GSK3B: variants seen among roughly 807,000 people sequenced by gnomAD.
GSK3B encodes the protein glycogen synthase kinase 3 beta.
Under a neutral mutation model 56.4 loss-of-function variants are expected in GSK3B, and 15 were observed. The ratio of observed to expected loss-of-function variants is 0.27; its 90% CI spans 0.18 to 0.41. The LOEUF is 0.41. GSK3B is among the 10% of genes least tolerant of loss of function. GSK3B has a pLI of 1.00. For synonymous variants in GSK3B, 181 were observed against 188.9 expected, an observed-to-expected ratio of 0.96 and a Z score of 0.34; for missense variants, 300 against 513.4, an observed-to-expected ratio of 0.58 and a Z score of 4.02.
At chr3:119,902,995 G>A (rs1049769375) in intron 7 of GSK3B, among the ~76,000 whole-genome samples, 14 of 152,276 alleles carry the variant, frequency 9.2e-5, no homozygotes, top group South Asian at 4.1e-4. Flanking sequence ...GGTTACAGGC[G>A]TGAACTACGG....
At chr3:120,050,577 T>G (rs983547886) in intron 1 of GSK3B, among the ~76,000 whole-genome samples, 1 of 152,128 alleles carries the variant, frequency 6.6e-6, no homozygotes, top group Non-Finnish European at 1.5e-5. Context: ...GGAAACAACT[T>G]TGGTTCCTGG....
Position 119,825,745 on chromosome 3 carries a change from A to C in GSK3B, c.*1043T>G, listed in dbSNP as rs1366286606. Reference sequence around the variant, plus strand: ...CTGCAAGCTCAATTTTCAATTAAAAAATATGAAAAATAAACCAGTAGATGA... The same window carrying C: ...CTGCAAGCTCAATTTTCAATTAAAACATATGAAAAATAAACCAGTAGATGA... On this transcript the variant is annotated 3_prime_UTR_variant, in exon 11 of 11. Coordinates refer to ENST00000264235, the MANE Select transcript of GSK3B (RefSeq NM_001146156.2). The C allele has an allele frequency of 8.9e-6, 2 of 224,478 alleles. No individual in the cohort carries two copies. The highest frequency in any genetic ancestry group is 1.8e-5 in the Non-Finnish European group (2 of 112,752). 13.9% of individuals were successfully genotyped at this position (224,478 alleles called of 1,614,324 possible). A position where few individuals can be genotyped will look rare whatever the true frequency, so the allele number is the denominator to read the frequency against.
At chr3:119,951,178 G>T (rs552500145) in intron 2 of GSK3B, among the ~76,000 whole-genome samples, 1 of 152,314 alleles carries the variant, frequency 6.6e-6, no homozygotes, top group East Asian at 1.9e-4. Context: ...GGGGTGGAGG[G>T]AGGCTCAACA....
chr3:120,062,895 TC>T (rs1289228890), intron 1 of GSK3B, among the ~76,000 whole-genome samples: 11 of 152,190 alleles, frequency 7.2e-5, no homozygotes, highest in African/African-American at 2.7e-4. Context: ...TACCCTACTT[TC>T]TGGACTTTAG....
At chr3:120,010,339 T>C (rs1447312199) in intron 1 of GSK3B, among the ~76,000 whole-genome samples, 1 of 152,172 alleles carries the variant, frequency 6.6e-6, no homozygotes. Context: ...ATTTGTAAAA[T>C]AACTTTTCTT....
At chr3:120,076,971 C>A (rs529811050) in intron 1 of GSK3B, among the ~76,000 whole-genome samples, 2 of 151,872 alleles carry the variant, frequency 1.3e-5, no homozygotes, top group Non-Finnish European at 2.9e-5. Flanking sequence ...TACCACCTCA[C>A]CCCTGTTAGG....
At chr3:119,889,898 A>G (rs780611527) in intron 7 of GSK3B, among the ~76,000 whole-genome samples, 9 of 152,152 alleles carry the variant, frequency 5.9e-5, no homozygotes, top group Non-Finnish European at 1.2e-4. Flanking sequence ...TATTAATATT[A>G]GAAAATGAAG....
At chr3:120,087,275 G>A (rs2058470581) in intron 1 of GSK3B, among the ~76,000 whole-genome samples, 1 of 152,196 alleles carries the variant, frequency 6.6e-6, no homozygotes, top group South Asian at 2.1e-4. Flanking sequence ...GTTCACGCCT[G>A]TAATCCCAGC....
intron 2 of GSK3B, among the ~76,000 whole-genome samples, chr3:120,000,022 T>C (rs13325281): frequency 0.034 from 5,246 of 152,110 alleles, 329 homozygotes; most frequent in African/African-American, 0.12. Context: ...CAGAAGAGAT[T>C]AGAAAGGAGA....
At chr3:120,024,361 C>A (rs2057905994) in intron 1 of GSK3B, among the ~76,000 whole-genome samples, 1 of 152,086 alleles carries the variant, frequency 6.6e-6, no homozygotes, top group Non-Finnish European at 1.5e-5. Flanking sequence ...TCAAAAAAAA[C>A]AATTCCAGAT....
At chr3:119,951,174 G>A (rs1255571826) in intron 2 of GSK3B, among the ~76,000 whole-genome samples, 1 of 152,198 alleles carries the variant, frequency 6.6e-6, no homozygotes, top group Non-Finnish European at 1.5e-5. Context: ...TATGGGGGTG[G>A]AGGGAGGCTC....
chr3:119,868,135 A>C (rs2056206186), intron 8 of GSK3B, among the ~76,000 whole-genome samples: 1 of 152,092 alleles, frequency 6.6e-6, no homozygotes, highest in Non-Finnish European at 1.5e-5. Context: ...AAAGAAAAAG[A>C]GGAAGGAAAA....
Position 119,971,812 on chromosome 3 carries a change from C to T in GSK3B, c.283-24461G>A, listed in dbSNP as rs994069088. On this transcript the variant is annotated intron_variant, in intron 2 of 10. Transcript: ENST00000264235. ...ATTTTTAGTAGAGACAGGGTTTCAC[C>T]GTTTTAGCCGGGATGGTCTCGATCT... 6.0e-5 allele frequency among the ~76,000 whole-genome samples: 9 copies of T among 150,714 alleles called. No individual in the cohort carries two copies. In the South Asian group the frequency reaches 6.3e-4, roughly 10 times the overall value.
intron 10 of GSK3B, among the ~76,000 whole-genome samples, chr3:119,828,351 T>TCA (rs750582736): frequency 1.3e-5 from 2 of 152,200 alleles, no homozygotes; most frequent in Non-Finnish European, 2.9e-5. Flanking sequence ...TGCATCCTTG[T>TCA]CATCTCTCTT....
intron 1 of GSK3B, among the ~76,000 whole-genome samples, chr3:120,079,350 ATTT>A (rs796534214): frequency 5.3e-4 from 51 of 96,526 alleles, no homozygotes; most frequent in South Asian, 1.2e-3. Context: ...ACACACACAC[ATTT>A]TTTTTTTTAA....
At chr3:119,951,255 A>T (rs1418803509) in intron 2 of GSK3B, among the ~76,000 whole-genome samples, 1 of 152,184 alleles carries the variant, frequency 6.6e-6, no homozygotes, top group Non-Finnish European at 1.5e-5. Flanking sequence ...ATACTTCCCA[A>T]CTCACATATA....
intron 1 of GSK3B, among the ~76,000 whole-genome samples, chr3:120,073,872 T>A (rs1240760904): frequency 6.6e-6 from 1 of 151,878 alleles, no homozygotes; most frequent in African/African-American, 2.4e-5. Context: ...AGACAACCCA[T>A]GGAGAAAAAC....
At chr3:120,059,084 G>GACAT (rs932573950) in intron 1 of GSK3B, among the ~76,000 whole-genome samples, 4 of 150,172 alleles carry the variant, frequency 2.7e-5, no homozygotes, top group South Asian at 4.2e-4. Flanking sequence ...CCTTAAAAAA[G>GACAT]ACATACATAC....
chr3:120,081,064 A>G (rs1282869943), intron 1 of GSK3B, among the ~76,000 whole-genome samples: 1 of 152,128 alleles, frequency 6.6e-6, no homozygotes, highest in Non-Finnish European at 1.5e-5. Context: ...GGGATACCGT[A>G]GTAGCGTCAT....
Sources: allele counts gnomAD v4.1 joint callset (sites outside exome capture counted in the v4.1 genomes callset), GRCh38; gene constraint gnomAD v4.1.1; transcripts MANE v1.5; gene names NCBI Gene and HGNC (gene_info 2026-07-23, HGNC 2026-07-21).